ATP9A: variants seen among roughly 807,000 people sequenced by gnomAD.
The protein encoded by ATP9A is probable phospholipid-transporting ATPase IIA.
ATP9A carries 52 observed loss-of-function variants against 144.1 expected under a neutral mutation model. The observed-to-expected ratio is 0.36, with a 90% CI of 0.29 to 0.45. ATP9A has a LOEUF of 0.45. Among genes scored for constraint, ATP9A ranks in the 20% least tolerant of loss-of-function variants. ATP9A has a pLI of 1.00. For synonymous variants in ATP9A, 582 were observed against 557.4 expected, an observed-to-expected ratio of 1.04 and a Z score of -0.62; for missense variants, 947 against 1,392.7, an observed-to-expected ratio of 0.68 and a Z score of 5.09.
intron 9 of ATP9A, among the ~76,000 whole-genome samples, chr20:51,687,773 A>AG (rs1160637721): frequency 1.2e-3 from 150 of 121,178 alleles, no homozygotes; most frequent in East Asian, 0.012. Context: ...CAAAAAAAAA[A>AG]AAAATGAATG....
intron 13 of ATP9A, among the ~76,000 whole-genome samples, chr20:51,663,856 C>T (rs1213124788): frequency 6.6e-6 from 1 of 150,848 alleles, no homozygotes; most frequent in Non-Finnish European, 1.5e-5. Flanking sequence ...TCTGTGGATG[C>T]AGAAAGTAAG....
intron 15 of ATP9A, among the ~76,000 whole-genome samples, chr20:51,638,111 A>G (rs1457528922): frequency 5.9e-5 from 5 of 85,336 alleles, no homozygotes; most frequent in African/African-American, 2.5e-4. Flanking sequence ...ATATATATAT[A>G]TATATATATA....
chr20:51,696,187 G>T, intron 5 of ATP9A, 43 bp from the exon 6 acceptor site: 1 of 1,598,982 alleles, frequency 6.3e-7, no homozygotes, highest in South Asian at 1.1e-5. Flanking sequence ...ATGAATGACC[G>T]TGTGCTGTGC....
At chr20:51,629,442 C>G (rs1024816764) in intron 15 of ATP9A, among the ~76,000 whole-genome samples, 1 of 152,204 alleles carries the variant, frequency 6.6e-6, no homozygotes, top group Non-Finnish European at 1.5e-5. Context: ...AAGATAAGGA[C>G]TAGAACAGGG....
chr20:51,637,950 T>C (rs2077299868), intron 15 of ATP9A, among the ~76,000 whole-genome samples: 1 of 150,552 alleles, frequency 6.6e-6, no homozygotes, highest in Admixed American at 6.6e-5. Context: ...AGTGAGAACA[T>C]ACGACATTTG....
intron 1 of ATP9A, among the ~76,000 whole-genome samples, chr20:51,757,147 A>G (rs2077860052): frequency 6.6e-6 from 1 of 152,162 alleles, no homozygotes; most frequent in African/African-American, 2.4e-5. Flanking sequence ...GACAGCCTCC[A>G]TAACAGGGAA....
rs2077126269 is a variant in ATP9A, at chr20:51,597,960, G to A, written c.*3251C>T. ...TTTTACAATGCTAGTTCCAGCACGT[G>A]GTCTAATGGCCCCAGGGGCTGGAAA... On this transcript the variant is annotated 3_prime_UTR_variant, in exon 28 of 28. Transcript: ENST00000338821. 1 of 152,068 alleles carries A rather than the reference G, an allele frequency of 6.6e-6. No homozygotes were observed. Among genetic ancestry groups the A allele is most frequent in the South Asian group, 2.1e-4 (1 of 4,822 alleles). 9.4% of individuals were successfully genotyped at this position (152,068 alleles called of 1,614,324 possible). A position where few individuals can be genotyped will look rare whatever the true frequency, so the allele number is the denominator to read the frequency against.
Position 51,726,279 on chromosome 20 carries a change from C to G in ATP9A, c.214-347G>C, listed in dbSNP as rs530906646. Among the ~76,000 whole-genome samples, 6 of 132,232 alleles carry G rather than the reference C, an allele frequency of 4.5e-5. No individual in the cohort carries two copies. In the East Asian group the frequency reaches 1.4e-3, roughly 32 times the overall value. The allele number at this position is 132,232 out of a possible 152,430, so 86.7% of individuals were successfully genotyped here. The stretch of plus-strand genomic sequence containing the variant: ...AGTGAGCCAAGATCGCACCATTGCA[C>G]TCCAACCTGGGCAACAAGAGCGAAA... On this transcript the variant is annotated intron_variant, in intron 2 of 27. Transcript: ENST00000338821.
intron 4 of ATP9A, among the ~76,000 whole-genome samples, chr20:51,698,491 GC>G (rs1294130457): frequency 7.2e-5 from 11 of 152,170 alleles, no homozygotes; most frequent in African/African-American, 2.7e-4. Context: ...TGTCACTCCG[GC>G]CTGGGCAACA....
intron 14 of ATP9A, among the ~76,000 whole-genome samples, chr20:51,644,686 T>A (rs1290392670): frequency 6.6e-6 from 1 of 152,172 alleles, no homozygotes; most frequent in Non-Finnish European, 1.5e-5. Context: ...TACCTAGTTA[T>A]GTACAAGCTA....
intron 3 of ATP9A, among the ~76,000 whole-genome samples, chr20:51,719,465 T>C (rs559338143): frequency 6.6e-6 from 1 of 152,194 alleles, no homozygotes; most frequent in African/African-American, 2.4e-5. Flanking sequence ...CCAGGCGCAG[T>C]GGCTCACGCC....
intron 11 of ATP9A, among the ~76,000 whole-genome samples, chr20:51,673,193 G>C (rs1342309786): frequency 6.6e-6 from 1 of 152,046 alleles, no homozygotes; most frequent in African/African-American, 2.4e-5. Context: ...GGCCAACATG[G>C]TGAAACCCCA....
At chr20:51,695,376 T>C (rs1051444302) in intron 6 of ATP9A, among the ~76,000 whole-genome samples, 9 of 145,778 alleles carry the variant, frequency 6.2e-5, no homozygotes, top group African/African-American at 2.1e-4. Context: ...GGCAGGAGAA[T>C]GGCTTGAACC....
In ATP9A at chr20:51,731,499, A is replaced by G. The variant is rs371757739; in HGVS notation, c.69-1521T>C. ...TTGGGAGGCCGAGGCAGGCGGAGGT[A>G]CCTGAGGTCAGGAGTTCAAGACCAG... On this transcript the variant is annotated intron_variant, in intron 1 of 27. Transcript: ENST00000338821. Among the ~76,000 whole-genome samples, 174 of 151,446 alleles carry G rather than the reference A, an allele frequency of 1.1e-3. 1 individual carries two copies. Among genetic ancestry groups the G allele is most frequent in the Non-Finnish European group, 1.8e-3 (121 of 67,790 alleles).
At chr20:51,621,979 G>T in intron 19 of ATP9A, 95 bp downstream of exon 19, 2 of 1,075,618 alleles carry the variant, frequency 1.9e-6, no homozygotes, top group Non-Finnish European at 2.8e-6. Flanking sequence ...TTCACATGCT[G>T]CCCCTCCCTT....
At position 51,763,178 on chromosome 20, in the gene ATP9A, T is replaced by C. The variant is rs749688891; in HGVS notation, c.68+5124A>G. On this transcript the variant is annotated intron_variant, in intron 1 of 27. Coordinates refer to ENST00000338821, the MANE Select transcript of ATP9A (RefSeq NM_006045.3). ...AAGCGGATCACTGGTTGCCTGGGAC[T>C]GGGGCAAGGGCAGGGATGAATTGCA... is the stretch of plus-strand genomic sequence containing the variant. Among the ~76,000 whole-genome samples the C allele has an allele frequency of 2.8e-4, 43 of 152,200 alleles. No homozygotes were observed. The Middle Eastern group carries it at 0.01, about 36-fold the overall frequency.
chr20:51,682,108 G>A (rs1568818347), intron 9 of ATP9A, among the ~76,000 whole-genome samples: 1 of 151,998 alleles, frequency 6.6e-6, no homozygotes, highest in South Asian at 2.1e-4. Context: ...GGTGGAAGGA[G>A]GGTGAGGATC....
At chr20:51,605,731 G>A (rs1468297810) in intron 26 of ATP9A, among the ~76,000 whole-genome samples, 2 of 151,876 alleles carry the variant, frequency 1.3e-5, no homozygotes, top group Non-Finnish European at 2.9e-5. Flanking sequence ...TAGCCACCAT[G>A]GCGAAACCCT....
chr20:51,738,479 A>T (rs2077771764), intron 1 of ATP9A, among the ~76,000 whole-genome samples: 1 of 151,858 alleles, frequency 6.6e-6, no homozygotes, highest in African/African-American at 2.4e-5. Flanking sequence ...CGAGGCGAGC[A>T]GATCACCTGA....
Sources: allele counts gnomAD v4.1 joint callset (sites outside exome capture counted in the v4.1 genomes callset), GRCh38; gene constraint gnomAD v4.1.1; transcripts MANE v1.5; gene names NCBI Gene and HGNC (gene_info 2026-07-23, HGNC 2026-07-21).